The following ANKS1B variants were observed in gnomAD, a reference collection of about 807,000 sequenced individuals.
The protein encoded by ANKS1B is ankyrin repeat and sterile alpha motif domain-containing protein 1B.
ANKS1B carries 36 observed loss-of-function variants against 148.3 expected under a neutral mutation model. The ratio of observed to expected loss-of-function variants is 0.24; its 90% CI spans 0.19 to 0.32. The LOEUF is 0.32. Ranked by LOEUF, ANKS1B falls within the 10% of genes least tolerant of loss-of-function variation. The pLI, the probability that ANKS1B is intolerant of heterozygous loss-of-function variation, is 1.00. For missense variants in ANKS1B, 1,157 were observed against 1,542.6 expected (o/e 0.75, Z 4.19); for synonymous variants, 542 against 560.8 (o/e 0.97, Z 0.47).
At chr12:99,463,124 CTG>C (rs1328875384) in intron 10 of ANKS1B, among the ~76,000 whole-genome samples, 1 of 152,142 alleles carries the variant, frequency 6.6e-6, no homozygotes, top group Non-Finnish European at 1.5e-5. Context: ...TAATAGAAAA[CTG>C]GACTAAAAAC....
chr12:99,789,151 G>A (rs2065332580), intron 4 of ANKS1B, among the ~76,000 whole-genome samples: 1 of 152,138 alleles, frequency 6.6e-6, no homozygotes. Flanking sequence ...CCAGGTACAG[G>A]TGGCTCAGCA....
At chr12:99,801,801 T>A (rs577937532) in intron 4 of ANKS1B, among the ~76,000 whole-genome samples, 1 of 152,174 alleles carries the variant, frequency 6.6e-6, no homozygotes, top group South Asian at 2.1e-4. Flanking sequence ...AAGGATAGGA[T>A]CCAATGAACA....
At chr12:99,054,569 TGCTC>T (rs1283566224) in intron 16 of ANKS1B, among the ~76,000 whole-genome samples, 2 of 152,208 alleles carry the variant, frequency 1.3e-5, no homozygotes, top group African/African-American at 4.8e-5. Flanking sequence ...AATGGAGTCT[TGCTC>T]TATTGCCCAG....
chr12:99,326,978 G>T, intron 12 of ANKS1B, among the ~76,000 whole-genome samples: 1 of 138,086 alleles, frequency 7.2e-6, no homozygotes. Context: ...TACAAACCTA[G>T]ATTTTATATA....
chr12:99,451,378 T>C (rs534540218), intron 10 of ANKS1B, among the ~76,000 whole-genome samples: 1 of 152,252 alleles, frequency 6.6e-6, no homozygotes, highest in African/African-American at 2.4e-5. Context: ...CCAGGGACCA[T>C]GATAGATGCT....
chr12:99,630,794 C>G (rs1171046505), intron 9 of ANKS1B, among the ~76,000 whole-genome samples: 3 of 152,176 alleles, frequency 2.0e-5, no homozygotes, highest in African/African-American at 7.2e-5. Flanking sequence ...ACAGCACGTC[C>G]TTACCAGCAA....
At chr12:98,826,659 A>C (rs1296535992) in intron 19 of ANKS1B, among the ~76,000 whole-genome samples, 1 of 152,218 alleles carries the variant, frequency 6.6e-6, no homozygotes, top group Non-Finnish European at 1.5e-5. Flanking sequence ...GGTAAGAAAG[A>C]AAGCCTGAAG....
chr12:99,187,103 C>T (rs558889550), intron 14 of ANKS1B, among the ~76,000 whole-genome samples: 1 of 151,600 alleles, frequency 6.6e-6, no homozygotes, highest in South Asian at 2.1e-4. Flanking sequence ...TGAAGATCAA[C>T]TTAATGAAAT....
chr12:99,879,937 T>C (rs1376101726), intron 1 of ANKS1B, among the ~76,000 whole-genome samples: 1 of 152,180 alleles, frequency 6.6e-6, no homozygotes, highest in Non-Finnish European at 1.5e-5. Flanking sequence ...GCCATTATAT[T>C]GTTGGTTATC....
rs967111387 is a variant in ANKS1B, at chr12:98,781,141, G to A, written c.3417C>T (p.Val1139=). Residue 1139 remains valine, a synonymous_variant, in exon 24 of 27, where the codon GTC becomes GTT. Transcript: ENST00000683438. ...CCTTATTTGTTGCATCAATAAATTT[G>A]ACTCCTTTATATGAGACAGAAAGAA... ...TIILSVSYKG[V]KFIDATNKNI... The A allele has an allele frequency of 2.5e-6, 4 of 1,580,022 alleles. No homozygotes were observed. In the Admixed American group the frequency reaches 5.4e-5, roughly 21 times the overall value.
At chr12:99,863,797 C>A (rs1198296511) in intron 1 of ANKS1B, among the ~76,000 whole-genome samples, 2 of 152,042 alleles carry the variant, frequency 1.3e-5, no homozygotes, top group Non-Finnish European at 2.9e-5. Context: ...CTTGGCCAAG[C>A]GTGGTGGCTC....
chr12:99,084,925 C>A lies in ANKS1B; in HGVS notation c.2625G>T (p.Lys875Asn). 6.2e-7 allele frequency: 1 copy of A among 1,607,124 alleles called. No homozygotes were observed. The highest frequency in any genetic ancestry group is 8.5e-7 in the Non-Finnish European group (1 of 1,176,596). ...RILQAIQLLPKMRPIGHDGYH... is the reference protein window; with the variant it reads ...RILQAIQLLPNMRPIGHDGYH... ...CTAGGGCAATAAAAGTATTGCTCAC[C>A]TTTGGAAGGAGCTGGATTGCCTGTA... The change falls in exon 16 of 27, where the codon AAG becomes AAT. Residue 875 changes from lysine to asparagine, a missense_variant and splice_region_variant. Lys to Asn is a moderately conservative substitution (Grantham distance 94, BLOSUM62 0). This residue lies in a region of ANKS1B where 258 missense variants were observed against 497.0 expected (regional missense o/e 0.52). Transcript: ENST00000683438.
chr12:99,493,477 A>G (rs2096573817), intron 10 of ANKS1B, among the ~76,000 whole-genome samples: 1 of 152,168 alleles, frequency 6.6e-6, no homozygotes, highest in Non-Finnish European at 1.5e-5. Context: ...GGAGACTATT[A>G]TAATAGTCCA....
At chr12:98,901,704 G>C (rs1217448785) in intron 17 of ANKS1B, among the ~76,000 whole-genome samples, 1 of 151,918 alleles carries the variant, frequency 6.6e-6, no homozygotes, top group Non-Finnish European at 1.5e-5. Context: ...AGTGTCTGTG[G>C]GGACTCAACA....
intron 10 of ANKS1B, among the ~76,000 whole-genome samples, chr12:99,445,010 A>T (rs931447731): frequency 3.3e-5 from 5 of 152,032 alleles, no homozygotes; most frequent in Admixed American, 3.3e-4. Context: ...TAAAACAAAA[A>T]ATTCAAGTAT....
intron 16 of ANKS1B, among the ~76,000 whole-genome samples, chr12:99,071,741 G>A (rs1269034582): frequency 1.3e-5 from 2 of 151,502 alleles, no homozygotes; most frequent in African/African-American, 4.9e-5. Flanking sequence ...TCCACCTCCC[G>A]GGTTCAAGTG....
intron 17 of ANKS1B, among the ~76,000 whole-genome samples, chr12:98,855,260 A>G (rs2099558628): frequency 6.6e-6 from 1 of 152,136 alleles, no homozygotes; most frequent in Non-Finnish European, 1.5e-5. Flanking sequence ...TTCGTTGACA[A>G]TTCTAACAAA....
chr12:99,032,651 T>G (rs982045226), intron 17 of ANKS1B, among the ~76,000 whole-genome samples: 16 of 152,198 alleles, frequency 1.1e-4, no homozygotes, highest in African/African-American at 3.9e-4. Flanking sequence ...CATTCACAGG[T>G]TCTACGTGGA....
intron 10 of ANKS1B, among the ~76,000 whole-genome samples, chr12:99,503,708 C>T (rs1379907051): frequency 1.3e-5 from 2 of 152,006 alleles, no homozygotes; most frequent in Non-Finnish European, 2.9e-5. Context: ...CAGACATCTA[C>T]TTGTACCACA....
Sources: gnomAD v4.1 joint callset for allele counts (sites outside exome capture counted in the v4.1 genomes callset) on GRCh38, gnomAD v4.1.1 for gene constraint, gnomAD v4.1.1 regional missense constraint, MANE v1.5 for transcripts, NCBI Gene and HGNC (gene_info 2026-07-23, HGNC 2026-07-21) for gene names.